The following RFT1 variants were observed in gnomAD, a reference collection of about 807,000 sequenced individuals.
RFT1 encodes the protein RFT1 glycolipid translocator homolog.
RFT1 carries 43 observed loss-of-function variants against 62.2 expected under a neutral mutation model. The ratio of observed to expected loss-of-function variants is 0.69; its 90% CI spans 0.54 to 0.89. The LOEUF is 0.89. RFT1 is among the 40% of genes least tolerant of loss of function. RFT1 has a pLI of 0.00. For synonymous variants in RFT1, 262 were observed against 264.6 expected, an observed-to-expected ratio of 0.99 and a Z score of 0.10; for missense variants, 605 against 649.9, an observed-to-expected ratio of 0.93 and a Z score of 0.75.
intron 6 of RFT1, 145 bp from the exon 7 acceptor site, chr3:53,112,053 C>T (rs1392874481): frequency 1.4e-6 from 1 of 716,020 alleles, no homozygotes; most frequent in African/African-American, 1.8e-5. Flanking sequence ...GCTAAGCACA[C>T]AGAAGGCATC....
At chr3:53,074,478 G>A in the RFT1 span, among the ~76,000 whole-genome samples, 5 of 152,064 alleles carry the variant, frequency 3.3e-5, no homozygotes, top group Admixed American at 6.6e-5. Context: ...CAGAGCACTG[G>A]ATGGTCAGAA....
At chr3:53,107,296 C>T (rs1254164275) in intron 7 of RFT1, among the ~76,000 whole-genome samples, 1 of 151,952 alleles carries the variant, frequency 6.6e-6, no homozygotes, top group African/African-American at 2.4e-5. Flanking sequence ...CCACCGCACC[C>T]GGCTAATTTT....
downstream of RFT1, among the ~76,000 whole-genome samples, chr3:53,087,174 T>A (rs1419822165): frequency 6.6e-6 from 1 of 152,168 alleles, no homozygotes; most frequent in Non-Finnish European, 1.5e-5. Context: ...GAGGCAGAAG[T>A]TGCTGTGAGC....
At chr3:53,110,591 T>C (rs1429831792) in intron 7 of RFT1, among the ~76,000 whole-genome samples, 2 of 152,058 alleles carry the variant, frequency 1.3e-5, no homozygotes, top group Admixed American at 6.6e-5. Flanking sequence ...TATTCACAGA[T>C]GGGGAAAGCG....
At chr3:53,119,506 T>C (rs1701906350) in intron 6 of RFT1, among the ~76,000 whole-genome samples, 1 of 152,216 alleles carries the variant, frequency 6.6e-6, no homozygotes, top group Non-Finnish European at 1.5e-5. Context: ...AGGTAAAGCA[T>C]TCAGCATAGG....
chr3:53,103,093 T>C, intron 10 of RFT1: 1 of 985,254 alleles, frequency 1.0e-6, no homozygotes, highest in African/African-American at 1.7e-5. Context: ...CCAAACTTAA[T>C]GACCTTTGCT....
chr3:53,107,022 T>C (rs1437382224), intron 7 of RFT1, among the ~76,000 whole-genome samples, 153 bp from the exon 8 acceptor site: 4 of 152,200 alleles, frequency 2.6e-5, no homozygotes, highest in African/African-American at 9.7e-5. Context: ...AATGTTGATT[T>C]CAAATAATCT....
intron 10 of RFT1, 156 bp downstream of exon 10, chr3:53,103,797 G>T: frequency 1.1e-6 from 1 of 909,508 alleles, no homozygotes; most frequent in Non-Finnish European, 1.8e-6. Context: ...TGTGTCTGGA[G>T]TTGAACGAGG....
In RFT1 at chr3:53,090,587, T is replaced by C. The variant is rs1700961982; in HGVS notation, c.*1316A>G. On this transcript the variant is annotated 3_prime_UTR_variant, in exon 13 of 13. Transcript: ENST00000296292. ...ATCCTTAGCCCCTGGGTACTGGCTCTGGGCAAGCAGATTTAAATACATGCA... is the reference window on the plus strand; with the variant it reads ...ATCCTTAGCCCCTGGGTACTGGCTCCGGGCAAGCAGATTTAAATACATGCA... 6.6e-6 allele frequency: 1 copy of C among 152,236 alleles called. No individual in the cohort carries two copies. The highest frequency in any genetic ancestry group is 2.4e-5 in the African/African-American group (1 of 41,454). The allele number at this position is 152,236 out of a possible 1,614,324, so 9.4% of individuals were successfully genotyped here. A position where few individuals can be genotyped will look rare whatever the true frequency, so the allele number is the denominator to read the frequency against.
Position 53,106,854 on chromosome 3 carries a change from A to T in RFT1, c.791T>A (p.Met264Lys), listed in dbSNP as rs770091413. The T allele has an allele frequency of 6.2e-7, 1 of 1,613,378 alleles. No individual in the cohort carries two copies. The highest frequency in any genetic ancestry group is 8.5e-7 in the Non-Finnish European group (1 of 1,179,376). The part of the protein sequence containing the change: ...QILTEGERYV[M>K]TFLNVLNFGD... ...AAAGTTCAATACATTCAAAAATGTC[A>T]TCACATATCGCTCGCCTATAAACAA... Residue 264 changes from methionine (M) to lysine (K), a missense_variant, in exon 8 of 13, where the codon ATG becomes AAG. By Grantham distance (95) the Met-to-Lys change is moderately conservative. Coordinates refer to ENST00000296292, the MANE Select transcript of RFT1 (RefSeq NM_052859.4).
chr3:53,126,656 T>C (rs1157423123), intron 1 of RFT1, among the ~76,000 whole-genome samples: 1 of 151,596 alleles, frequency 6.6e-6, no homozygotes, highest in East Asian at 1.9e-4. Flanking sequence ...AGGGAGAGAG[T>C]GTCCAATTAT....
At chr3:53,080,827 G>A in the RFT1 span, among the ~76,000 whole-genome samples, 1 of 152,338 alleles carries the variant, frequency 6.6e-6, no homozygotes, top group Admixed American at 6.5e-5. Flanking sequence ...GGGTAGCAGG[G>A]TAGCTGGGCT....
chr3:53,114,183 A>G (rs1290049025), intron 6 of RFT1, among the ~76,000 whole-genome samples: 1 of 151,894 alleles, frequency 6.6e-6, no homozygotes, highest in African/African-American at 2.4e-5. Context: ...TCTCTCTCAC[A>G]CTGCTCCTCA....
At position 53,105,712 on chromosome 3, in the gene RFT1, C is replaced by A. The variant is rs768124396; in HGVS notation, c.918G>T (p.Lys306Asn). 2 of 1,613,816 alleles carry A rather than the reference C, an allele frequency of 1.2e-6. No homozygotes were observed. Reference protein sequence around the residue: ...IEESFYIFFAKVLERGKDATL... With the variant: ...IEESFYIFFANVLERGKDATL... ...TGGCATCCTTTCCCCTCTCCAGCAC[C>A]TTAGCAAAAAATATATAAAAACTTT... The change falls in exon 9 of 13, where the codon AAG becomes AAT. Residue 306 changes from lysine (K) to asparagine (N), a missense_variant. Transcript: ENST00000296292.
chr3:53,122,636 A>T, intron 3 of RFT1, 73 bp from the exon 4 acceptor site: 1 of 971,860 alleles, frequency 1.0e-6, no homozygotes, highest in Non-Finnish European at 1.4e-6. Context: ...AGTAACACTG[A>T]ACAGAAAAAA....
intron 7 of RFT1, 103 bp from the exon 8 acceptor site, chr3:53,106,972 A>G (rs999924864): frequency 1.4e-5 from 11 of 800,588 alleles, no homozygotes; most frequent in Non-Finnish European, 2.2e-5. Context: ...CAAATAAAGG[A>G]GAAATACTAG....
chr3:53,111,233 G>A (rs1022206734), intron 7 of RFT1, among the ~76,000 whole-genome samples: 35 of 151,776 alleles, frequency 2.3e-4, no homozygotes, highest in African/African-American at 7.7e-4. Context: ...GTGAAACTCC[G>A]TCTCTACTAA....
chr3:53,099,471 C>T lies in RFT1; in HGVS notation c.1118G>A (p.Arg373His), dbSNP rs77976718. 618 of 1,613,816 alleles carry T rather than the reference C, an allele frequency of 3.8e-4. 1 individual carries two copies. The African/African-American group carries it at 6.3e-3, about 16-fold the overall frequency. ...LSSGSGPVLL[R>H]SYCLYVLLLA... ...CAGGAGAACATAGAGACAGTAGGAA[C>T]GCAGCAAAACAGGACCTACAAGGAA... The change falls in exon 11 of 13, where the codon CGT (arginine) becomes CAT (histidine). Residue 373 changes from arginine to histidine, a missense_variant. By Grantham distance (29) the Arg-to-His change is conservative (BLOSUM62 0). Coordinates refer to ENST00000296292, the MANE Select transcript of RFT1 (RefSeq NM_052859.4).
intron 3 of RFT1, among the ~76,000 whole-genome samples, chr3:53,123,452 C>T (rs1702023897): frequency 6.6e-6 from 1 of 152,214 alleles, no homozygotes; most frequent in Non-Finnish European, 1.5e-5. Flanking sequence ...CAAGAAACCA[C>T]CTCCAAAGAG....
Sources: allele counts gnomAD v4.1 joint callset (sites outside exome capture counted in the v4.1 genomes callset), GRCh38; gene constraint gnomAD v4.1.1; transcripts MANE v1.5; gene names NCBI Gene and HGNC (gene_info 2026-07-23, HGNC 2026-07-21).